PRKCA: variants seen among roughly 807,000 people sequenced by gnomAD.
PRKCA encodes the protein protein kinase C alpha, also known as protein kinase C alpha type.
In PRKCA, 27 loss-of-function variants were observed where a neutral mutation model predicts 87.0. That is an observed-to-expected ratio of 0.31 (90% confidence interval 0.23 to 0.43). The LOEUF (loss-of-function observed/expected upper bound fraction) is 0.43, where lower values mean the gene tolerates loss of function less well. Among genes scored for constraint, PRKCA ranks in the 20% least tolerant of loss-of-function variants. PRKCA has a pLI of 1.00. For synonymous variants in PRKCA, 329 were observed against 311.1 expected (o/e 1.06, Z -0.61); for missense variants, 518 against 852.3 (o/e 0.61, Z 4.88).
chr17:66,541,294 TACGTGCTCCTGCGGCCCCC>T (rs1967978842), intron 3 of PRKCA, among the ~76,000 whole-genome samples: 1 of 152,218 alleles, frequency 6.6e-6, no homozygotes, highest in Non-Finnish European at 1.5e-5. Context: ...GGTCTTGTGG[TACGTGCTCCTGCGGCCCCC>T]ACCTCAAACT....
At chr17:66,538,511 C>T (rs190942447) in intron 3 of PRKCA, among the ~76,000 whole-genome samples, 5 of 152,268 alleles carry the variant, frequency 3.3e-5, no homozygotes, top group African/African-American at 9.6e-5. Context: ...CAGCAAACTT[C>T]GAGAAGTGTC....
intron 8 of PRKCA, among the ~76,000 whole-genome samples, chr17:66,717,476 C>T (rs1205755081): frequency 6.6e-6 from 1 of 152,192 alleles, no homozygotes. Context: ...TTAGACATAT[C>T]GCGGTGCCCC....
At chr17:66,585,115 TAC>T (rs1969554028) in intron 3 of PRKCA, among the ~76,000 whole-genome samples, 1 of 152,048 alleles carries the variant, frequency 6.6e-6, no homozygotes, top group South Asian at 2.1e-4. Flanking sequence ...GTGTCTGATT[TAC>T]ATAGGGCCCA....
intron 5 of PRKCA, among the ~76,000 whole-genome samples, chr17:66,653,443 T>TA (rs1185221225): frequency 6.6e-6 from 1 of 151,690 alleles, no homozygotes; most frequent in African/African-American, 2.4e-5. Context: ...AAAGAAAAAA[T>TA]AACCAGATGT....
chr17:66,317,130 A>G (rs936532102), intron 2 of PRKCA, among the ~76,000 whole-genome samples: 2 of 150,704 alleles, frequency 1.3e-5, no homozygotes, highest in Non-Finnish European at 3.0e-5. Context: ...TGACAGAGTG[A>G]GACTCTGTCT....
chr17:66,472,116 A>G (rs1419471224), intron 2 of PRKCA, among the ~76,000 whole-genome samples: 2 of 152,078 alleles, frequency 1.3e-5, no homozygotes, highest in Non-Finnish European at 2.9e-5. Flanking sequence ...GGCTTGCACC[A>G]CTGCACCTGG....
At chr17:66,320,414 G>A (rs1905588947) in intron 2 of PRKCA, among the ~76,000 whole-genome samples, 1 of 151,704 alleles carries the variant, frequency 6.6e-6, no homozygotes, top group Admixed American at 6.6e-5. Flanking sequence ...GAGGGAATCT[G>A]CAAACAAAGC....
intron 5 of PRKCA, among the ~76,000 whole-genome samples, chr17:66,666,097 G>A (rs953102384): frequency 6.6e-6 from 1 of 152,170 alleles, no homozygotes; most frequent in Non-Finnish European, 1.5e-5. Context: ...TCAGTGTAGA[G>A]AAGATACCAG....
chr17:66,380,419 G>A (rs1014377342), intron 2 of PRKCA, among the ~76,000 whole-genome samples: 2 of 152,090 alleles, frequency 1.3e-5, no homozygotes, highest in South Asian at 4.1e-4. Flanking sequence ...TGGGGTTCTT[G>A]TGAGGATTAG....
At chr17:66,494,996 G>T (rs778391729) in intron 2 of PRKCA, among the ~76,000 whole-genome samples, 13 of 151,832 alleles carry the variant, frequency 8.6e-5, no homozygotes, top group Non-Finnish European at 1.8e-4. Flanking sequence ...CAGCTACTTG[G>T]GAGTCTGAGG....
intron 2 of PRKCA, among the ~76,000 whole-genome samples, chr17:66,365,774 T>C (rs931221899): frequency 3.9e-5 from 6 of 152,234 alleles, no homozygotes; most frequent in Non-Finnish European, 7.3e-5. Flanking sequence ...TGCTTTCTTA[T>C]TTAAGCAGAA....
chr17:66,547,460 A>T lies in PRKCA; in HGVS notation c.288+51177A>T, dbSNP rs538608864. On this transcript the variant is annotated intron_variant, in intron 3 of 16. Transcript: ENST00000413366. ...GCATCTAGGATGTCACCAGACTGAT[A>T]ATCACTGTTCCATGAATGTACACTA... 7.2e-5 allele frequency among the ~76,000 whole-genome samples: 11 copies of T among 152,156 alleles called. No homozygotes were observed. The South Asian group carries it at 1.7e-3, about 23-fold the overall frequency.
chr17:66,404,741 CCTTTTTTT>C (rs1180112695), intron 2 of PRKCA, among the ~76,000 whole-genome samples: 12 of 40,424 alleles, frequency 3.0e-4, no homozygotes, highest in Non-Finnish European at 6.9e-4. Context: ...GGATGGTAGG[CCTTTTTTT>C]TTTTTTTTTT....
intron 2 of PRKCA, among the ~76,000 whole-genome samples, chr17:66,330,342 G>C (rs1906253591): frequency 6.6e-6 from 1 of 151,954 alleles, no homozygotes; most frequent in African/African-American, 2.4e-5. Context: ...CCTGACCTCA[G>C]GTGATCCCCC....
At chr17:66,587,895 GTA>G (rs71160580) in intron 3 of PRKCA, among the ~76,000 whole-genome samples, 26 of 85,392 alleles carry the variant, frequency 3.0e-4, no homozygotes, top group East Asian at 1.7e-3. Context: ...GTGTGTGTGT[GTA>G]TATATATATA....
chr17:66,594,936 G>T (rs559691472), intron 3 of PRKCA, among the ~76,000 whole-genome samples: 36 of 152,224 alleles, frequency 2.4e-4, no homozygotes, highest in African/African-American at 8.4e-4. Flanking sequence ...GCCACATTTC[G>T]GTGGCTGAAA....
rs535395888 is a variant in PRKCA at position 66,309,164 on chromosome 17, T to C, written c.205+3037T>C. Among the ~76,000 whole-genome samples, 6 of 152,312 alleles carry C rather than the reference T, an allele frequency of 3.9e-5. No homozygotes were observed. In the East Asian group the frequency reaches 1.2e-3, roughly 29 times the overall value. On this transcript the variant is annotated intron_variant, in intron 2 of 16. Coordinates refer to ENST00000413366, the MANE Select transcript of PRKCA (RefSeq NM_002737.3). Reference sequence around the variant, plus strand: ...GAGGGGTGTGTATGCTCCCAGTGACTCACATATTCATGCAGTAAGTAATAT... The same window carrying C: ...GAGGGGTGTGTATGCTCCCAGTGACCCACATATTCATGCAGTAAGTAATAT...
chr17:66,324,004 G>A (rs1489419100), intron 2 of PRKCA, among the ~76,000 whole-genome samples: 1 of 151,962 alleles, frequency 6.6e-6, no homozygotes, highest in Non-Finnish European at 1.5e-5. Context: ...CCACATGACT[G>A]TACATACCAT....
chr17:66,318,453 G>A (rs1393401553), intron 2 of PRKCA, among the ~76,000 whole-genome samples: 1 of 151,534 alleles, frequency 6.6e-6, no homozygotes, highest in Admixed American at 6.6e-5. Context: ...CATAGCACAT[G>A]CTGGTATTGA....
Sources: gnomAD v4.1 joint callset for allele counts (sites outside exome capture counted in the v4.1 genomes callset) on GRCh38, gnomAD v4.1.1 for gene constraint, MANE v1.5 for transcripts, NCBI Gene and HGNC (gene_info 2026-07-23, HGNC 2026-07-21) for gene names.